GDPD5: variants seen among roughly 807,000 people sequenced by gnomAD.
GDPD5 encodes glycerophosphodiester phosphodiesterase 2.
A neutral mutation model predicts 75.1 loss-of-function variants in GDPD5; 48 were observed. That is an observed-to-expected ratio of 0.64 (90% CI 0.51 to 0.81). GDPD5 has a LOEUF of 0.81. Among genes scored for constraint, GDPD5 ranks in the 40% least tolerant of loss-of-function variants. GDPD5 has a pLI of 0.00. For synonymous variants in GDPD5, 336 were observed against 339.0 expected, an observed-to-expected ratio of 0.99 and a Z score of 0.10; for missense variants, 706 against 822.6, an observed-to-expected ratio of 0.86 and a Z score of 1.73.
chr11:75,476,853 C>T (rs569482022), intron 3 of GDPD5, among the ~76,000 whole-genome samples: 20 of 152,308 alleles, frequency 1.3e-4, no homozygotes, highest in African/African-American at 3.4e-4. Context: ...GGGCCTCTGA[C>T]ATCAGCGGCA....
At chr11:75,512,281 G>GACACACACACACACAC (rs145862089) in intron 1 of GDPD5, among the ~76,000 whole-genome samples, 8,989 of 123,000 alleles carry the variant, frequency 0.073, 701 homozygotes, top group Middle Eastern at 0.14. Context: ...AATTGGGAAG[G>GACACACACACACACAC]ACACACACAC....
chr11:75,442,037 C>T (rs1592059831), intron 12 of GDPD5, among the ~76,000 whole-genome samples: 1 of 152,364 alleles, frequency 6.6e-6, no homozygotes, highest in Admixed American at 6.5e-5. Context: ...AAAACCCAAA[C>T]AGCCACTACT....
chr11:75,497,513 A>C (rs1950232769), intron 1 of GDPD5, among the ~76,000 whole-genome samples: 1 of 149,358 alleles, frequency 6.7e-6, no homozygotes. Flanking sequence ...TTTTTAGACC[A>C]CTTTCTCCTC....
chr11:75,448,825 G>A, intron 9 of GDPD5, 152 bp downstream of exon 9: 1 of 1,146,206 alleles, frequency 8.7e-7, no homozygotes, highest in East Asian at 3.1e-5. Flanking sequence ...TTCCATCCCA[G>A]CACTCCCGGC....
At chr11:75,468,406 T>C (rs146987786) in intron 3 of GDPD5, among the ~76,000 whole-genome samples, 135 of 152,326 alleles carry the variant, frequency 8.9e-4, no homozygotes, top group African/African-American at 3.2e-3. Flanking sequence ...AGATGCTGCC[T>C]AGTCCTTCTG....
chr11:75,524,435 G>A (rs1941584601), intron 1 of GDPD5, among the ~76,000 whole-genome samples: 1 of 152,198 alleles, frequency 6.6e-6, no homozygotes, highest in Non-Finnish European at 1.5e-5. Flanking sequence ...AAGTCTACTT[G>A]TGGCTCAAGG....
At chr11:75,473,492 A>G (rs1288486312) in intron 3 of GDPD5, among the ~76,000 whole-genome samples, 1 of 151,918 alleles carries the variant, frequency 6.6e-6, no homozygotes, top group East Asian at 1.9e-4. Flanking sequence ...CCCAGCCTGC[A>G]TCCCTGTGTA....
At chr11:75,453,866 A>C (rs944063237) in intron 6 of GDPD5, among the ~76,000 whole-genome samples, 2 of 152,172 alleles carry the variant, frequency 1.3e-5, no homozygotes, top group African/African-American at 4.8e-5. Context: ...CTATACCCCA[A>C]AATAGCTTCC....
chr11:75,505,675 C>T (rs988164588), intron 1 of GDPD5, among the ~76,000 whole-genome samples: 1 of 152,158 alleles, frequency 6.6e-6, no homozygotes, highest in African/African-American at 2.4e-5. Flanking sequence ...GATCCTGCCC[C>T]AGGCGACCTT....
intron 5 of GDPD5, among the ~76,000 whole-genome samples, chr11:75,457,426 T>C (rs1479987369): frequency 2.0e-5 from 3 of 152,250 alleles, no homozygotes; most frequent in Non-Finnish European, 4.4e-5. Context: ...TCTGAATTAA[T>C]GTGCCATATG....
chr11:75,500,819 G>A (rs1223279095), intron 1 of GDPD5, among the ~76,000 whole-genome samples: 3 of 152,022 alleles, frequency 2.0e-5, no homozygotes, highest in African/African-American at 4.8e-5. Flanking sequence ...CTTCAAACCC[G>A]CCAGTGCCAT....
intron 1 of GDPD5, among the ~76,000 whole-genome samples, chr11:75,497,174 C>T (rs1950226395): frequency 1.3e-5 from 2 of 152,082 alleles, no homozygotes; most frequent in Admixed American, 1.3e-4. Flanking sequence ...AGTCTAGACA[C>T]CAAAAATCTA....
At position 75,441,293 on chromosome 11, in the gene GDPD5, T is replaced by C. The variant is rs755870440; in HGVS notation, c.1343A>G (p.Asn448Ser). 3 of 1,614,020 alleles carry C rather than the reference T, an allele frequency of 1.9e-6. No homozygotes were observed. The African/African-American group carries it at 4.0e-5, about 22-fold the overall frequency. The change falls in exon 14 of 17, where the codon AAC (asparagine) becomes AGC (serine). Residue 448 changes from asparagine (N) to serine (S), a missense_variant. By Grantham distance (46) the Asn-to-Ser change is conservative (BLOSUM62 1). Coordinates refer to ENST00000336898, the MANE Select transcript of GDPD5 (RefSeq NM_030792.8). ...RQELRDYASW[N>S]LSVNLYTVNA... ...GACTGTGTAGAGGTTCACACTCAGGTTCCAGGACGCGTAGTCCCTGTGGGG... is the reference window on the plus strand; with the variant it reads ...GACTGTGTAGAGGTTCACACTCAGGCTCCAGGACGCGTAGTCCCTGTGGGG...
In GDPD5 at chr11:75,435,370, G is replaced by A. The variant is rs544601341; in HGVS notation, c.*137C>T. ...GGAGTCCCCCTCAAGAGAGGCTGCGGCTGACAAGGGGCTGGAGCCCACAAG... is the reference window on the plus strand; with the variant it reads ...GGAGTCCCCCTCAAGAGAGGCTGCGACTGACAAGGGGCTGGAGCCCACAAG... On this transcript the variant is annotated 3_prime_UTR_variant, in exon 17 of 17. Coordinates refer to ENST00000336898, the MANE Select transcript of GDPD5 (RefSeq NM_030792.8). 7.5e-5 allele frequency: 57 copies of A among 759,824 alleles called. No individual in the cohort carries two copies. The highest frequency in any genetic ancestry group is 1.1e-4 in the Non-Finnish European group (52 of 492,082). 47.1% of individuals were successfully genotyped at this position (759,824 alleles called of 1,614,324 possible). A position where few individuals can be genotyped will look rare whatever the true frequency, so the allele number is the denominator to read the frequency against.
chr11:75,517,660 T>C (rs1221658856), intron 1 of GDPD5, among the ~76,000 whole-genome samples: 4 of 151,816 alleles, frequency 2.6e-5, no homozygotes, highest in African/African-American at 9.7e-5. Context: ...CTGATAGGGG[T>C]TTAGCTCAAC....
chr11:75,444,094 G>A (rs474056), intron 10 of GDPD5, among the ~76,000 whole-genome samples: 86,013 of 152,024 alleles, frequency 0.57, 25,175 homozygotes, highest in East Asian at 0.78. Context: ...ATTTTAAAAC[G>A]TAACTGGAGT....
In GDPD5 at chr11:75,442,546, G is replaced by A. The variant is rs533870538; in HGVS notation, c.984C>T (p.Pro328=). 2 of 1,614,184 alleles carry A rather than the reference G, an allele frequency of 1.2e-6. No homozygotes were observed. Among genetic ancestry groups the A allele is most frequent in the East Asian group, 2.2e-5 (1 of 44,884 alleles). The change falls in exon 12 of 17, where the codon CCC becomes CCT. Residue 328 remains proline, a synonymous_variant. Transcript: ENST00000336898. ...DPFWTASSLS[P]SDHREAQNQS... The stretch of plus-strand genomic sequence containing the variant: ...GGTTCTGGGCCTCTCTGTGGTCGGA[G>A]GGTGACAGGGAGCTGGCTGTCCAGA...
intron 2 of GDPD5, among the ~76,000 whole-genome samples, chr11:75,479,728 C>A (rs535100474): frequency 8.1e-4 from 124 of 152,240 alleles, no homozygotes; most frequent in African/African-American, 2.8e-3. Context: ...ACTCCTCTGG[C>A]CCTGGCAACT....
At chr11:75,459,470 G>C (rs1949365267) in intron 4 of GDPD5, among the ~76,000 whole-genome samples, 1 of 151,980 alleles carries the variant, frequency 6.6e-6, no homozygotes, top group East Asian at 1.9e-4. Context: ...TGGCTGGTGG[G>C]ATTGAAATTT....
Sources: allele counts gnomAD v4.1 joint callset (sites outside exome capture counted in the v4.1 genomes callset), GRCh38; gene constraint gnomAD v4.1.1; transcripts MANE v1.5; gene names NCBI Gene and HGNC (gene_info 2026-07-23, HGNC 2026-07-21).